The following CHGB variants were observed in gnomAD, a reference collection of about 807,000 sequenced individuals.
The protein encoded by CHGB is chromogranin B.
A neutral mutation model predicts 69.9 loss-of-function variants in CHGB; 46 were observed. That is an observed-to-expected ratio of 0.66 (90% CI 0.52 to 0.84). The LOEUF is 0.84. Ranked by LOEUF, CHGB falls within the 40% of genes least tolerant of loss-of-function variation. The probability of loss-of-function intolerance (pLI) is 0.00; values close to 1 mark genes in which losing one functional copy is unlikely to be tolerated. For missense variants in CHGB, 796 were observed against 822.2 expected (o/e 0.97, Z 0.39); for synonymous variants, 312 against 298.2 (o/e 1.05, Z -0.48).
At chr20:5,917,035 A>G (rs2088479846) in intron 3 of CHGB, 116 bp downstream of exon 3, 10 of 932,542 alleles carry the variant, frequency 1.1e-5, no homozygotes, top group Non-Finnish European at 1.0e-5. Flanking sequence ...TGCACTAGGA[A>G]GAGTATTGAT....
chr20:5,912,089 C>T (rs58083452), intron 1 of CHGB, among the ~76,000 whole-genome samples: 2,867 of 152,242 alleles, frequency 0.019, 66 homozygotes, highest in Admixed American at 0.05. Flanking sequence ...TACAGAGAGG[C>T]AGGAATACAT....
In CHGB at chr20:5,912,805, T is replaced by C. The variant is rs575384647; in HGVS notation, c.49+1123T>C. Among the ~76,000 whole-genome samples the C allele has an allele frequency of 5.9e-5, 9 of 152,300 alleles. No individual in the cohort carries two copies. The South Asian group carries it at 1.9e-3, about 32-fold the overall frequency. Reference sequence around the variant, plus strand: ...CTGAGATTGAGACTCCTACCTAGAATTGAGATACTGCCATCCATGAATATG... The same window carrying C: ...CTGAGATTGAGACTCCTACCTAGAACTGAGATACTGCCATCCATGAATATG... On this transcript the variant is annotated intron_variant, in intron 1 of 4. Transcript: ENST00000378961.
chr20:5,916,520 C>A, intron 2 of CHGB, 148 bp downstream of exon 2: 1 of 738,746 alleles, frequency 1.4e-6, no homozygotes, highest in Non-Finnish European at 2.3e-6. Flanking sequence ...AGGGATGCCC[C>A]TCCTGCACTG....
chr20:5,920,199 A>T (rs979493168), intron 3 of CHGB, among the ~76,000 whole-genome samples: 2 of 152,200 alleles, frequency 1.3e-5, no homozygotes, highest in African/African-American at 4.8e-5. Context: ...TACATATTTA[A>T]TTGGGAAAAA....
Position 5,916,890 on chromosome 20 carries a change from C to G in CHGB, c.161C>G (p.Thr54Ser). ...TCGAAGTCCAGCGCTCCACCCATCA[C>G]CCCTGAGTGCCGCCAAGTCCTGAAG... ...ALSKSSAPPI[T>S]PECRQVLKTS... Residue 54 changes from threonine (T) to serine (S), a missense_variant, in exon 3 of 5, where the codon ACC becomes AGC. Thr to Ser is a moderately conservative substitution (Grantham distance 58). Transcript: ENST00000378961. The G allele has an allele frequency of 6.2e-7, 1 of 1,614,226 alleles. No individual in the cohort carries two copies. Among genetic ancestry groups the G allele is most frequent in the Non-Finnish European group, 8.5e-7 (1 of 1,180,036 alleles).
intron 1 of CHGB, among the ~76,000 whole-genome samples, chr20:5,913,417 T>G (rs2088457072): frequency 6.6e-6 from 1 of 152,146 alleles, no homozygotes; most frequent in Non-Finnish European, 1.5e-5. Flanking sequence ...CAAGTAGAGC[T>G]GGTAATTTGC....
intron 3 of CHGB, among the ~76,000 whole-genome samples, chr20:5,918,839 A>G (rs1404926470): frequency 1.3e-5 from 2 of 150,296 alleles, no homozygotes; most frequent in Non-Finnish European, 1.5e-5. Flanking sequence ...AAAAAAAAAA[A>G]AAAAAAGAGC....
Position 5,911,698 on chromosome 20 carries a change from G to C in CHGB, c.49+16G>C. ...GGGCTGGCGGGTGAGTGGGCGCGGCGGGCCGGTCAGCACCGCGGACAGCGC... is the reference window on the plus strand; with the variant it reads ...GGGCTGGCGGGTGAGTGGGCGCGGCCGGCCGGTCAGCACCGCGGACAGCGC... On this transcript the variant is annotated intron_variant, in intron 1 of 4. Coordinates refer to ENST00000378961, the MANE Select transcript of CHGB (RefSeq NM_001819.3). 6.9e-7 allele frequency: 1 copy of C among 1,449,216 alleles called. No individual in the cohort carries two copies. Among genetic ancestry groups the C allele is most frequent in the Non-Finnish European group, 9.0e-7 (1 of 1,107,048 alleles). 89.8% of individuals were successfully genotyped at this position (1,449,216 alleles called of 1,614,324 possible).
At position 5,913,628 on chromosome 20, in the gene CHGB, C is replaced by CTTTTCTTTTCT. The variant is rs1289315671; in HGVS notation, c.49+1950_49+1951insCTTTTCTTTTT. Reference sequence around the variant, plus strand: ...CTTTCTTTTTCTTTTCTTTTCTTTTCTTTTTTTTTTTTTTTTTTTGAGACA... The same window carrying CTTTTCTTTTCT: ...CTTTCTTTTTCTTTTCTTTTCTTTTCTTTTCTTTTCTTTTTTTTTTTTTTTTTTTTGAGACA... On this transcript the variant is annotated intron_variant, in intron 1 of 4. Coordinates refer to ENST00000378961, the MANE Select transcript of CHGB (RefSeq NM_001819.3). Among the ~76,000 whole-genome samples, 572 of 90,486 alleles carry CTTTTCTTTTCT rather than the reference C, an allele frequency of 6.3e-3. 9 individuals are homozygous for CTTTTCTTTTCT. The highest frequency in any genetic ancestry group is 0.019 in the African/African-American group (523 of 27,146). 59.4% of individuals were successfully genotyped at this position (90,486 alleles called of 152,430 possible).
In CHGB at chr20:5,923,288, G is replaced by T; in HGVS notation, c.1144G>T (p.Asp382Tyr). 6.2e-7 allele frequency: 1 copy of T among 1,613,654 alleles called. No homozygotes were observed. Residue 382 changes from aspartate to tyrosine, a missense_variant, in exon 4 of 5, where the codon GAT becomes TAT. Asp to Tyr is a radical substitution (Grantham distance 160). Around this residue, in one of 3 missense-constraint regions of CHGB, gnomAD observed 518 missense variants for 506.3 expected, o/e 1.02. Transcript: ENST00000378961. ...APRPQSEESW[D>Y]EEDKRNYPSL... ...AAGACCTCAGAGTGAGGAGAGTTGG[G>T]ATGAGGAGGACAAGAGAAACTACCC... is the stretch of plus-strand genomic sequence containing the variant.
At position 5,923,993 on chromosome 20, in the gene CHGB, T is replaced by A; in HGVS notation, c.1849T>A (p.Ser617Thr). 6.2e-7 allele frequency: 1 copy of A among 1,613,920 alleles called. No homozygotes were observed. The highest frequency in any genetic ancestry group is 8.5e-7 in the Non-Finnish European group (1 of 1,179,952). The change falls in exon 4 of 5, where the codon TCA becomes ACA. Residue 617 changes from serine (S) to threonine (T), a missense_variant. Ser to Thr is a moderately conservative substitution (Grantham distance 58). Around this residue, in one of 3 missense-constraint regions of CHGB, gnomAD observed 274 missense variants for 298.9 expected, o/e 0.92. Coordinates refer to ENST00000378961, the MANE Select transcript of CHGB (RefSeq NM_001819.3). Reference protein sequence around the residue: ...LDQLLHYRKKSAEFPDFYDSE... With the variant: ...LDQLLHYRKKTAEFPDFYDSE... ...CCAGCTCCTTCACTACAGGAAGAAGTCAGCTGAGTTTCCAGACTTCTATGA... is the reference window on the plus strand; with the variant it reads ...CCAGCTCCTTCACTACAGGAAGAAGACAGCTGAGTTTCCAGACTTCTATGA...
In CHGB at chr20:5,922,892, C is replaced by G; in HGVS notation, c.748C>G (p.Pro250Ala). 6.2e-7 allele frequency: 1 copy of G among 1,613,544 alleles called. No homozygotes were observed. Among genetic ancestry groups the G allele is most frequent in the Non-Finnish European group, 8.5e-7 (1 of 1,179,790 alleles). Reference sequence around the variant, plus strand: ...GGAGACAGGGAGCCAGGAGAATCACCCCCAGGAGTCTAAAGGCCAACCCCG... The same window carrying G: ...GGAGACAGGGAGCCAGGAGAATCACGCCCAGGAGTCTAAAGGCCAACCCCG... ...GEETGSQENH[P>A]QESKGQPRSQ... Residue 250 changes from proline to alanine, a missense_variant, in exon 4 of 5, where the codon CCC (proline) becomes GCC (alanine). By Grantham distance (27) the Pro-to-Ala change is conservative. Transcript: ENST00000378961.
chr20:5,918,011 G>A, intron 3 of CHGB: 1 of 150,720 alleles, frequency 6.6e-6, no homozygotes, highest in Non-Finnish European at 1.5e-5. Context: ...AGCCAGGCAT[G>A]GTGGCAGGCA....
Position 5,911,597 on chromosome 20 carries a change from C to T in CHGB, c.-37C>T. The T allele has an allele frequency of 6.6e-7, 1 of 1,518,922 alleles. No individual in the cohort carries two copies. The allele number at this position is 1,518,922 out of a possible 1,614,324, so 94.1% of individuals were successfully genotyped here. On this transcript the variant is annotated 5_prime_UTR_variant, in exon 1 of 5. Coordinates refer to ENST00000378961, the MANE Select transcript of CHGB (RefSeq NM_001819.3). ...CGCCTCGCTTCTCCGGTCCAGCCGCCATCTTCCTTTCCGCACAGGGGCCGC... is the reference window on the plus strand; with the variant it reads ...CGCCTCGCTTCTCCGGTCCAGCCGCTATCTTCCTTTCCGCACAGGGGCCGC...
Position 5,925,262 on chromosome 20 carries a change from AATAGACAT to A in CHGB, c.*216_*223del, listed in dbSNP as rs2088543502. On this transcript the variant is annotated 3_prime_UTR_variant, in exon 5 of 5. Transcript: ENST00000378961. ...ACTTGTAGCATATTCTTTTCTGCAA[AATAGACAT>A]ATTAACATGCTTATGACAATGACTG... 1 of 413,540 alleles carries A rather than the reference AATAGACAT, an allele frequency of 2.4e-6. No individual in the cohort carries two copies. The allele number at this position is 413,540 out of a possible 1,614,324, so 25.6% of individuals were successfully genotyped here.
chr20:5,912,393 T>G (rs1033653413), intron 1 of CHGB, among the ~76,000 whole-genome samples: 1 of 152,188 alleles, frequency 6.6e-6, no homozygotes, highest in African/African-American at 2.4e-5. Flanking sequence ...CTCCTCATTT[T>G]TTAGTTATGA....
intron 3 of CHGB, among the ~76,000 whole-genome samples, chr20:5,918,171 A>AAAACC (rs397974856): frequency 7.6e-6 from 1 of 131,714 alleles, no homozygotes; most frequent in East Asian, 2.4e-4. Flanking sequence ...AAAAAAAAAA[A>AAAACC]CTCTCATTGC....
At position 5,923,183 on chromosome 20, in the gene CHGB, G is replaced by T; in HGVS notation, c.1039G>T (p.Gly347Cys). 1.2e-6 allele frequency: 2 copies of T among 1,613,892 alleles called. No homozygotes were observed. Among genetic ancestry groups the T allele is most frequent in the Non-Finnish European group, 1.7e-6 (2 of 1,179,862 alleles). The stretch of plus-strand genomic sequence containing the variant: ...ACCTGAATATGGAGAAGAAATAAAG[G>T]GTTATCCAGGCGTCCAGGCCCCTGA... ...EEPEYGEEIK[G>C]YPGVQAPEDL... is the part of the protein sequence containing the mutation. Residue 347 changes from glycine to cysteine, a missense_variant, in exon 4 of 5, where the codon GGT (glycine) becomes TGT (cysteine). Transcript: ENST00000378961.
chr20:5,923,506 C>A lies in CHGB; in HGVS notation c.1362C>A (p.Asp454Glu). The A allele has an allele frequency of 6.2e-7, 1 of 1,614,072 alleles. No individual in the cohort carries two copies. The highest frequency in any genetic ancestry group is 8.5e-7 in the Non-Finnish European group (1 of 1,180,026). ...ACCGTGTCCAAGAAAACCAGATGGA[C>A]AAGGCAAGGAGGCATCCACAAGGTG... is the stretch of plus-strand genomic sequence containing the variant. The part of the protein sequence containing the change: ...GHHRVQENQM[D>E]KARRHPQGAW... Residue 454 changes from aspartate to glutamate, a missense_variant, in exon 4 of 5, where the codon GAC becomes GAA. Asp to Glu is a conservative substitution (Grantham distance 45, BLOSUM62 2). Around this residue, in one of 3 missense-constraint regions of CHGB, gnomAD observed 274 missense variants for 298.9 expected, o/e 0.92. Transcript: ENST00000378961.
Sources: allele counts gnomAD v4.1 joint callset (sites outside exome capture counted in the v4.1 genomes callset), GRCh38; gene constraint gnomAD v4.1.1; regional missense constraint gnomAD v4.1.1; transcripts MANE v1.5; gene names NCBI Gene and HGNC (gene_info 2026-07-23, HGNC 2026-07-21).